Variants in UTP20 observed in about 807,000 individuals in gnomAD.
UTP20 encodes small subunit processome component 20 homolog.
Under a neutral mutation model 329.5 loss-of-function variants are expected in UTP20, and 164 were observed. The observed-to-expected ratio is 0.50, with a 90% CI of 0.44 to 0.57. The LOEUF (loss-of-function observed/expected upper bound fraction) is 0.57, where lower values mean the gene tolerates loss of function less well. UTP20 is among the 20% of genes least tolerant of loss of function. The probability of loss-of-function intolerance (pLI) is 0.00; values close to 1 mark genes in which losing one functional copy is unlikely to be tolerated. For synonymous variants in UTP20, 1,151 were observed against 1,159.3 expected (o/e 0.99, Z 0.14); for missense variants, 3,055 against 3,284.2 (o/e 0.93, Z 1.71).
At position 101,383,021 on chromosome 12, in the gene UTP20, C is replaced by T; in HGVS notation, c.7657-20C>T. 3 of 1,576,266 alleles carry T rather than the reference C, an allele frequency of 1.9e-6. No homozygotes were observed. The highest frequency in any genetic ancestry group is 2.6e-6 in the Non-Finnish European group (3 of 1,165,848). ...AAAATCAATGTCCAATTTCTTCCCC[C>T]ACCCCGTTTTTTTTTAAAGGTTGTT... On this transcript the variant is annotated intron_variant, in intron 58 of 61. Coordinates refer to ENST00000261637, the MANE Select transcript of UTP20 (RefSeq NM_014503.3).
chr12:101,347,557 T>A (rs980146427), intron 38 of UTP20, among the ~76,000 whole-genome samples: 1 of 152,122 alleles, frequency 6.6e-6, no homozygotes, highest in African/African-American at 2.4e-5. Flanking sequence ...TATTAAATGA[T>A]CATAGAAATT....
chr12:101,362,304 T>G (rs990426125), intron 44 of UTP20, among the ~76,000 whole-genome samples: 2 of 152,234 alleles, frequency 1.3e-5, no homozygotes, highest in African/African-American at 4.8e-5. Context: ...TATCAAGAGC[T>G]TTTGAAATGA....
In UTP20 at chr12:101,354,812, T is replaced by C. The variant is rs777055668; in HGVS notation, c.5108-20T>C. 5.6e-6 allele frequency: 9 copies of C among 1,602,420 alleles called. No individual in the cohort carries two copies. The highest frequency in any genetic ancestry group is 7.7e-6 in the Non-Finnish European group (9 of 1,174,498). Reference sequence around the variant, plus strand: ...TTCATTATTTGCTTTAAGGTGACTTTTGTTGTTTATTAAACATAGACGCAA... The same window carrying C: ...TTCATTATTTGCTTTAAGGTGACTTCTGTTGTTTATTAAACATAGACGCAA... On this transcript the variant is annotated intron_variant, in intron 40 of 61. Coordinates refer to ENST00000261637, the MANE Select transcript of UTP20 (RefSeq NM_014503.3).
At position 101,280,194 on chromosome 12, in the gene UTP20, T is replaced by C. The variant is rs780608357; in HGVS notation, c.-89T>C. On this transcript the variant is annotated 5_prime_UTR_variant, in exon 1 of 62. Transcript: ENST00000261637. ...CTGGGCATCTGGGAATCGGAGAGTATAGCCTGTGAGCCGCTTTCCCCTCCT... is the reference window on the plus strand; with the variant it reads ...CTGGGCATCTGGGAATCGGAGAGTACAGCCTGTGAGCCGCTTTCCCCTCCT... 1.6e-5 allele frequency: 24 copies of C among 1,494,290 alleles called. No individual in the cohort carries two copies. The highest frequency in any genetic ancestry group is 4.9e-5 in the East Asian group (2 of 40,512). The allele number at this position is 1,494,290 out of a possible 1,614,324, so 92.6% of individuals were successfully genotyped here.
At chr12:101,352,693 G>A (rs1346861140) in intron 39 of UTP20, among the ~76,000 whole-genome samples, 1 of 146,338 alleles carries the variant, frequency 6.8e-6, no homozygotes, top group Non-Finnish European at 1.5e-5. Flanking sequence ...GATAGCATTG[G>A]GAGATATACC....
chr12:101,382,571 G>A (rs1870681527), intron 58 of UTP20, among the ~76,000 whole-genome samples: 1 of 152,158 alleles, frequency 6.6e-6, no homozygotes, highest in Non-Finnish European at 1.5e-5. Flanking sequence ...GAATGATCTA[G>A]GCCAGGCACG....
intron 11 of UTP20, 134 bp from the exon 12 acceptor site, chr12:101,295,346 C>T: frequency 1.3e-6 from 1 of 763,300 alleles, no homozygotes; most frequent in Non-Finnish European, 2.0e-6. Context: ...TCTTTAGTTT[C>T]CATTGTTCCT....
intron 38 of UTP20, among the ~76,000 whole-genome samples, chr12:101,351,314 ATGGGG>A (rs1869513477): frequency 6.6e-6 from 1 of 151,924 alleles, no homozygotes; most frequent in Non-Finnish European, 1.5e-5. Flanking sequence ...TTTAGTAGAG[ATGGGG>A]TTTCACCATG....
chr12:101,296,008 C>T (rs191931099), intron 12 of UTP20, among the ~76,000 whole-genome samples: 160 of 152,232 alleles, frequency 1.1e-3, no homozygotes, highest in African/African-American at 3.7e-3. Flanking sequence ...AGAAATAGTA[C>T]AGAGAGGTTT....
chr12:101,370,328 C>A, intron 49 of UTP20, 104 bp from the exon 50 acceptor site: 1 of 1,355,408 alleles, frequency 7.4e-7, no homozygotes, highest in Middle Eastern at 1.9e-4. Flanking sequence ...GGCTGGCACC[C>A]TGTTTGGAAA....
intron 43 of UTP20, among the ~76,000 whole-genome samples, chr12:101,361,606 A>G (rs1362842331): frequency 1.3e-5 from 2 of 151,690 alleles, no homozygotes; most frequent in Non-Finnish European, 2.9e-5. Context: ...AGCCTGCGCT[A>G]CAAGAGCAAC....
At position 101,355,182 on chromosome 12, in the gene UTP20, C is replaced by T. The variant is rs57209511; in HGVS notation, c.5394+64C>T. On this transcript the variant is annotated intron_variant, in intron 41 of 61. Transcript: ENST00000261637. The stretch of plus-strand genomic sequence containing the variant: ...TTCTGGTGTTGGTGGAGCCCTGTCA[C>T]ACTGAGGCTCTTGGTGATTATTGAT... 8.7e-4 allele frequency: 1,318 copies of T among 1,520,070 alleles called. 11 individuals carry two copies. In the African/African-American group the frequency reaches 0.015, roughly 18 times the overall value. The allele number at this position is 1,520,070 out of a possible 1,614,324, so 94.2% of individuals were successfully genotyped here.
intron 15 of UTP20, among the ~76,000 whole-genome samples, chr12:101,303,549 A>C (rs555009291): frequency 6.6e-6 from 1 of 152,158 alleles, no homozygotes; most frequent in Non-Finnish European, 1.5e-5. Context: ...ATGAATGCCA[A>C]CGCTCTGTGG....
rs573763588 is a variant in UTP20, at chr12:101,301,266, T to C, written c.1676-1182T>C. 2.0e-5 allele frequency among the ~76,000 whole-genome samples: 3 copies of C among 152,276 alleles called. No homozygotes were observed. In the South Asian group the frequency reaches 6.2e-4, roughly 32 times the overall value. On this transcript the variant is annotated intron_variant, in intron 14 of 61. Coordinates refer to ENST00000261637, the MANE Select transcript of UTP20 (RefSeq NM_014503.3). ...TGGATATCATGGCTTAGGCCTGTAA[T>C]CCCAGCACTTTGGGAGGCTGAGGCG... is the stretch of plus-strand genomic sequence containing the variant.
chr12:101,362,048 T>C lies in UTP20; in HGVS notation c.5778T>C (p.Asp1926=). Residue 1926 remains aspartate (D), a synonymous_variant, in exon 44 of 62, where the codon GAT becomes GAC. Transcript: ENST00000261637. ...LQVGDLDSCL[D]IMIEIFNHEL... ...TCGGAGATTTGGACTCTTGTTTAGA[T>C]ATAATGATTGAGGTAAGACTTACAG... 1 of 1,612,976 alleles carries C rather than the reference T, an allele frequency of 6.2e-7. No individual in the cohort carries two copies. The highest frequency in any genetic ancestry group is 8.5e-7 in the Non-Finnish European group (1 of 1,179,218).
chr12:101,294,058 C>T lies in UTP20; in HGVS notation c.1251+813C>T, dbSNP rs1262648496. Among the ~76,000 whole-genome samples, 5 of 151,470 alleles carry T rather than the reference C, an allele frequency of 3.3e-5. No individual in the cohort carries two copies. In the East Asian group the frequency reaches 5.8e-4, roughly 18 times the overall value. On this transcript the variant is annotated intron_variant, in intron 11 of 61. Transcript: ENST00000261637. ...TTTCTTTCTTCTTTTTTTTTAGAGA[C>T]GGAGTCTCACTCTGTCGCCCAGGCT...
intron 27 of UTP20, among the ~76,000 whole-genome samples, chr12:101,330,017 A>G (rs1005484209): frequency 4.6e-5 from 7 of 151,996 alleles, no homozygotes; most frequent in African/African-American, 1.7e-4. Context: ...AAAGAAAGAA[A>G]AAAAAAGGGA....
Position 101,365,634 on chromosome 12 carries a change from G to A in UTP20, c.6125+9G>A. ...TTAACAGAGAAAGAAAAGTAAGTTG[G>A]AAAAAAAACAAACTGTCATTTAGGT... On this transcript the variant is annotated intron_variant, in intron 46 of 61. Transcript: ENST00000261637. 1 of 1,541,998 alleles carries A rather than the reference G, an allele frequency of 6.5e-7. No homozygotes were observed. The highest frequency in any genetic ancestry group is 8.7e-7 in the Non-Finnish European group (1 of 1,149,362).
chr12:101,292,858 A>G (rs1872210586), intron 10 of UTP20, among the ~76,000 whole-genome samples: 1 of 152,252 alleles, frequency 6.6e-6, no homozygotes, highest in Non-Finnish European at 1.5e-5. Context: ...GATTGGAAAT[A>G]GAAAGGTTGG....
Sources: allele counts gnomAD v4.1 joint callset (sites outside exome capture counted in the v4.1 genomes callset), GRCh38; gene constraint gnomAD v4.1.1; transcripts MANE v1.5; gene names NCBI Gene and HGNC (gene_info 2026-07-23, HGNC 2026-07-21).